Variants in IKZF4 observed in about 807,000 individuals in gnomAD.
The protein encoded by IKZF4 is IKAROS family zinc finger 4.
In IKZF4, 11 loss-of-function variants were observed where a neutral mutation model predicts 47.7. The observed-to-expected ratio is 0.23, with a 90% confidence interval of 0.15 to 0.38. The LOEUF (loss-of-function observed/expected upper bound fraction) is 0.38, where lower values mean the gene tolerates loss of function less well. IKZF4 is among the 10% of genes least tolerant of loss of function. IKZF4 has a pLI of 1.00. For missense variants in IKZF4, 557 were observed against 784.9 expected, an observed-to-expected ratio of 0.71 and a Z score of 3.47; for synonymous variants, 298 against 299.4, an observed-to-expected ratio of 1.00 and a Z score of 0.05.
At chr12:56,032,854 C>A in intron 6 of IKZF4, 144 bp downstream of exon 6, 3 of 1,012,526 alleles carry the variant, frequency 3.0e-6, no homozygotes, top group Non-Finnish European at 4.4e-6. Flanking sequence ...GCCAAACACC[C>A]CATTCTAGGT....
In IKZF4 at chr12:56,023,679, G is replaced by T. The variant is rs1278814579; in HGVS notation, c.96G>T (p.Arg32Ser). The part of the protein sequence containing the change: ...SHRQGKDNLE[R>S]DPSGGCVPDF... ...CTTCCCACTGACCAAAGCTGGAGAG[G>T]GATCCCTCAGGAGGGTGTGTTCCGG... The change falls in exon 2 of 8, where the codon AGG becomes AGT. Residue 32 changes from arginine (R) to serine (S), a missense_variant. By Grantham distance (110) the Arg-to-Ser change is moderately radical (BLOSUM62 -1). This residue lies in a region of IKZF4 where 112 missense variants were observed against 168.2 expected (regional missense o/e 0.67). Coordinates refer to ENST00000547167, the MANE Select transcript of IKZF4 (RefSeq NM_022465.4). 5.0e-6 allele frequency: 8 copies of T among 1,613,768 alleles called. No homozygotes were observed. The highest frequency in any genetic ancestry group is 6.8e-6 in the Non-Finnish European group (8 of 1,179,852).
intron 2 of IKZF4, chr12:56,023,989 C>A: frequency 2.3e-6 from 2 of 876,734 alleles, no homozygotes; most frequent in Non-Finnish European, 2.7e-6. Flanking sequence ...TATGTATCTA[C>A]ATATGTGTTG....
In IKZF4 at chr12:56,025,085, C is replaced by T. The variant is rs1240980315; in HGVS notation, c.213C>T (p.Phe71=). 1.9e-6 allele frequency: 3 copies of T among 1,599,710 alleles called. No homozygotes were observed. Among genetic ancestry groups the T allele is most frequent in the Admixed American group, 1.7e-5 (1 of 57,918 alleles). The change falls in exon 3 of 8, where the codon TTC becomes TTT. Residue 71 remains phenylalanine, a synonymous_variant. Coordinates refer to ENST00000547167, the MANE Select transcript of IKZF4 (RefSeq NM_022465.4). ...SSGDSSLEKE[F]LGAPVGPSVS... is the part of the protein sequence containing the mutation. The stretch of plus-strand genomic sequence containing the variant: ...GGGACTCATCTCTGGAGAAGGAGTT[C>T]CTCGGGGCCCCAGTGGGGCCCTCGG...
At chr12:56,025,406 A>G (rs1017879293) in intron 3 of IKZF4, among the ~76,000 whole-genome samples, 1 of 152,160 alleles carries the variant, frequency 6.6e-6, no homozygotes, top group Admixed American at 6.5e-5. Context: ...TAAAAGTTTC[A>G]AAGAGAAATT....
In IKZF4 at chr12:56,021,464, C is replaced by T. The variant is rs1322695599; in HGVS notation, c.-30C>T. The T allele has an allele frequency of 1.9e-6, 3 of 1,573,884 alleles. No individual in the cohort carries two copies. The highest frequency in any genetic ancestry group is 2.6e-6 in the Non-Finnish European group (3 of 1,161,234). ...GCTTCCTGGAAGGTGAGTGGCTGGG[C>T]TCACCCCTGCCTGCCACTGAGACGC... On this transcript the variant is annotated 5_prime_UTR_variant, in exon 1 of 8. Coordinates refer to ENST00000547167, the MANE Select transcript of IKZF4 (RefSeq NM_022465.4).
intron 5 of IKZF4, among the ~76,000 whole-genome samples, chr12:56,030,468 G>A (rs1267622361): frequency 6.6e-6 from 1 of 151,460 alleles, no homozygotes; most frequent in Admixed American, 6.6e-5. Context: ...GGTGGCTCAC[G>A]CCTGTAATCC....
chr12:56,025,061 G>A lies in IKZF4; in HGVS notation c.189G>A (p.Gly63=). The A allele has an allele frequency of 6.3e-7, 1 of 1,585,756 alleles. No homozygotes were observed. Among genetic ancestry groups the A allele is most frequent in the South Asian group, 1.2e-5 (1 of 86,692 alleles). ...CTTGTTCTCTCCTCCAAGGTAGCGGGGACTCATCTCTGGAGAAGGAGTTCC... is the reference window on the plus strand; with the variant it reads ...CTTGTTCTCTCCTCCAAGGTAGCGGAGACTCATCTCTGGAGAAGGAGTTCC... ...IMESLFCESS[G]DSSLEKEFLG... The change falls in exon 3 of 8, where the codon GGG becomes GGA. Residue 63 remains glycine (G), a synonymous_variant. Transcript: ENST00000547167.
chr12:56,019,608 T>C (rs937074210), upstream of IKZF4, among the ~76,000 whole-genome samples: 2 of 152,196 alleles, frequency 1.3e-5, no homozygotes, highest in Non-Finnish European at 2.9e-5. Context: ...TCCTGCTCAG[T>C]TAAGCCTATT....
rs1895782784 is a variant in IKZF4 at position 56,038,233 on chromosome 12, T to C, written c.*2902T>C. 6.6e-6 allele frequency: 1 copy of C among 152,486 alleles called. No individual in the cohort carries two copies. Among genetic ancestry groups the C allele is most frequent in the South Asian group, 2.1e-4 (1 of 4,818 alleles). The allele number at this position is 152,486 out of a possible 1,614,324, so 9.4% of individuals were successfully genotyped here. A position where few individuals can be genotyped will look rare whatever the true frequency, so the allele number is the denominator to read the frequency against. On this transcript the variant is annotated 3_prime_UTR_variant, in exon 8 of 8. Transcript: ENST00000547167. ...TACCCCTTCACCTCCTCCTCTCTTC[T>C]TCTGATTCCCCTCCCCCCCTTTTTT... is the stretch of plus-strand genomic sequence containing the variant.
In IKZF4 at chr12:56,026,052, C is replaced by T. The variant is rs141086106; in HGVS notation, c.287-729C>T. Among the ~76,000 whole-genome samples, 668 of 152,278 alleles carry T rather than the reference C, an allele frequency of 4.4e-3. 10 individuals carry two copies. The highest frequency in any genetic ancestry group is 0.015 in the African/African-American group (632 of 41,548). Reference sequence around the variant, plus strand: ...CCAAGTTCAAGCGATTCTCCTGCCTCAGCCTCCGAAGTAGCTGGGATTACA... The same window carrying T: ...CCAAGTTCAAGCGATTCTCCTGCCTTAGCCTCCGAAGTAGCTGGGATTACA... On this transcript the variant is annotated intron_variant, in intron 3 of 7. Transcript: ENST00000547167.
At position 56,034,878 on chromosome 12, in the gene IKZF4, C is replaced by T. The variant is rs1895479689; in HGVS notation, c.1305C>T (p.Leu435=). The change falls in exon 8 of 8, where the codon CTC becomes CTT. Residue 435 remains leucine, a synonymous_variant. Coordinates refer to ENST00000547167, the MANE Select transcript of IKZF4 (RefSeq NM_022465.4). ...ACCTGGCTGATGGAGGTCCCCTCCTCTACCGGCCCCGAGGCCCCCTGACTG... is the reference window on the plus strand; with the variant it reads ...ACCTGGCTGATGGAGGTCCCCTCCTTTACCGGCCCCGAGGCCCCCTGACTG... ...PEDLADGGPL[L]YRPRGPLTDP... 1 of 1,609,316 alleles carries T rather than the reference C, an allele frequency of 6.2e-7. No individual in the cohort carries two copies. Among genetic ancestry groups the T allele is most frequent in the Non-Finnish European group, 8.5e-7 (1 of 1,177,600 alleles).
intron 4 of IKZF4, among the ~76,000 whole-genome samples, 176 bp downstream of exon 4, chr12:56,027,217 GGGGT>G (rs1048719294): frequency 2.0e-5 from 3 of 151,952 alleles, no homozygotes; most frequent in Non-Finnish European, 2.9e-5. Flanking sequence ...AGGCAGGGTG[GGGGT>G]GGGTACAGAA....
upstream of IKZF4, among the ~76,000 whole-genome samples, chr12:56,020,266 T>A (rs191532663): frequency 6.6e-6 from 1 of 152,332 alleles, no homozygotes; most frequent in Non-Finnish European, 1.5e-5. Context: ...TTTCTCCCCT[T>A]TTCTCTTTTT....
At chr12:56,007,556 C>A, upstream of IKZF4, 1 of 157,918 alleles carries the variant, frequency 6.3e-6, no homozygotes, top group South Asian at 1.8e-4. Context: ...ACCGCCGCCT[C>A]TGAGCGCCCG....
At chr12:56,022,459 T>G (rs1431150208) in intron 1 of IKZF4, among the ~76,000 whole-genome samples, 1 of 152,164 alleles carries the variant, frequency 6.6e-6, no homozygotes, top group Non-Finnish European at 1.5e-5. Flanking sequence ...TGGGATTTCT[T>G]GGGAGTCCCA....
chr12:56,024,617 T>C, intron 2 of IKZF4: 6 of 1,032,932 alleles, frequency 5.8e-6, no homozygotes, highest in Non-Finnish European at 5.8e-6. Context: ...TGATTACTAA[T>C]ATTATCATTA....
rs769316444 is a variant in IKZF4, at chr12:56,023,694, G to T, written c.111G>T (p.Gly37=). Residue 37 remains glycine, a synonymous_variant, in exon 2 of 8, where the codon GGG becomes GGT. Coordinates refer to ENST00000547167, the MANE Select transcript of IKZF4 (RefSeq NM_022465.4). The part of the protein sequence containing the change: ...KDNLERDPSG[G]CVPDFLPQAQ... ...AGCTGGAGAGGGATCCCTCAGGAGG[G>T]TGTGTTCCGGATTTCTTGCCTCAGG... The T allele has an allele frequency of 6.2e-7, 1 of 1,613,980 alleles. No individual in the cohort carries two copies. Among genetic ancestry groups the T allele is most frequent in the Non-Finnish European group, 8.5e-7 (1 of 1,179,864 alleles).
rs1445747655 is a variant in IKZF4 at position 56,034,573 on chromosome 12, G to A, written c.1000G>A (p.Glu334Lys). The A allele has an allele frequency of 3.7e-6, 6 of 1,602,258 alleles. No individual in the cohort carries two copies. The highest frequency in any genetic ancestry group is 1.7e-5 in the Admixed American group (1 of 59,160). ...TGCTGAGTTCCTGTTCTCCACAGGC[G>A]AAAAGCAGATGCGCTTCAGCCTCTC... ...KRSTPQKFVG[E>K]KQMRFSLSDL... Residue 334 changes from glutamate to lysine, a missense_variant and splice_region_variant, in exon 8 of 8, where the codon GAA (glutamate) becomes AAA (lysine). By Grantham distance (56) the Glu-to-Lys change is moderately conservative. This residue lies in a region of IKZF4 where 280 missense variants were observed against 314.0 expected (regional missense o/e 0.89). Coordinates refer to ENST00000547167, the MANE Select transcript of IKZF4 (RefSeq NM_022465.4).
At chr12:56,034,444 C>T (rs954955103) in intron 7 of IKZF4, 127 bp from the exon 8 acceptor site, 7 of 958,800 alleles carry the variant, frequency 7.3e-6, no homozygotes, top group East Asian at 2.5e-5. Flanking sequence ...CCTGACCCTG[C>T]GAAAGTAAAT....
Sources: gnomAD v4.1 joint callset for allele counts (sites outside exome capture counted in the v4.1 genomes callset) on GRCh38, gnomAD v4.1.1 for gene constraint, gnomAD v4.1.1 regional missense constraint, MANE v1.5 for transcripts, NCBI Gene and HGNC (gene_info 2026-07-23, HGNC 2026-07-21) for gene names.